The following HACL1 variants were observed in gnomAD, a reference collection of about 807,000 sequenced individuals.
HACL1 encodes the protein 1600020H07Rik.
In HACL1, 64 loss-of-function variants were observed where a neutral mutation model predicts 74.2. The ratio of observed to expected loss-of-function variants is 0.86; its 90% CI spans 0.70 to 1.06. The LOEUF is 1.06. HACL1 is among the 50% of genes least tolerant of loss of function. The probability of loss-of-function intolerance (pLI) is 0.00; values close to 1 mark genes in which losing one functional copy is unlikely to be tolerated. For missense variants in HACL1, 728 were observed against 719.7 expected, an observed-to-expected ratio of 1.01 and a Z score of -0.13; for synonymous variants, 230 against 238.8, an observed-to-expected ratio of 0.96 and a Z score of 0.34.
At chr3:15,586,273 A>G (rs2063791796) in intron 6 of HACL1, among the ~76,000 whole-genome samples, 1 of 152,218 alleles carries the variant, frequency 6.6e-6, no homozygotes. Flanking sequence ...TTACTTTTGT[A>G]TAATTAAAAA....
intron 3 of HACL1, among the ~76,000 whole-genome samples, chr3:15,593,184 C>A (rs981857897): frequency 3.4e-5 from 5 of 148,680 alleles, no homozygotes; most frequent in Admixed American, 6.7e-5. Context: ...TGTATATATA[C>A]ACACATATAT....
At chr3:15,562,947 T>A (rs796385988) in intron 16 of HACL1, among the ~76,000 whole-genome samples, 7 of 149,050 alleles carry the variant, frequency 4.7e-5, no homozygotes, top group African/African-American at 1.5e-4. Context: ...ATCCTTCTGA[T>A]CTCCGTTTAA....
At chr3:15,595,826 G>T (rs373849891) in intron 3 of HACL1, 1 of 151,948 alleles carries the variant, frequency 6.6e-6, no homozygotes, top group East Asian at 1.9e-4. Flanking sequence ...GGCCAAGCTG[G>T]TCTCAAACTC....
chr3:15,573,554 T>C (rs1024859801), intron 10 of HACL1, among the ~76,000 whole-genome samples: 59 of 152,348 alleles, frequency 3.9e-4, no homozygotes, highest in Non-Finnish European at 4.1e-4. Context: ...TAAGTTCTAT[T>C]GAATTACATT....
At chr3:15,599,561 C>G (rs2064141138) in intron 2 of HACL1, among the ~76,000 whole-genome samples, 1 of 152,116 alleles carries the variant, frequency 6.6e-6, no homozygotes, top group African/African-American at 2.4e-5. Context: ...AACCTCCCCT[C>G]AACCTACCTA....
intron 14 of HACL1, among the ~76,000 whole-genome samples, chr3:15,566,847 C>CTG (rs1432807956): frequency 3.5e-5 from 4 of 115,232 alleles, no homozygotes; most frequent in African/African-American, 1.4e-4. Context: ...GCGATGGAGT[C>CTG]TTGCTCTGTC....
chr3:15,562,671 CAGTAGAAAATTA>C (rs904630291), intron 16 of HACL1, among the ~76,000 whole-genome samples: 1 of 152,086 alleles, frequency 6.6e-6, no homozygotes, highest in African/African-American at 2.4e-5. Context: ...ACCAGGATGG[CAGTAGAAAATTA>C]AGTATGAAAT....
chr3:15,598,312 C>T (rs1160320788), intron 2 of HACL1, among the ~76,000 whole-genome samples: 5 of 152,132 alleles, frequency 3.3e-5, no homozygotes, highest in South Asian at 2.1e-4. Context: ...TGAGCCACCG[C>T]GCCTGGCCAT....
intron 2 of HACL1, among the ~76,000 whole-genome samples, chr3:15,597,927 TACA>T (rs2064098906): frequency 6.6e-6 from 1 of 152,168 alleles, no homozygotes; most frequent in African/African-American, 2.4e-5. Flanking sequence ...ATGCAAAATA[TACA>T]ACAACACGTA....
At chr3:15,591,450 C>A (rs184398137) in intron 4 of HACL1, 150 bp downstream of exon 4, 7 of 509,376 alleles carry the variant, frequency 1.4e-5, no homozygotes, top group African/African-American at 1.2e-4. Context: ...TCATTCCCTC[C>A]CCGGTAACTA....
intron 16 of HACL1, among the ~76,000 whole-genome samples, chr3:15,561,860 T>C (rs1338748621): frequency 6.6e-6 from 1 of 152,192 alleles, no homozygotes; most frequent in Non-Finnish European, 1.5e-5. Context: ...TTTGTATTTT[T>C]AGTAGAGACA....
chr3:15,570,407 T>C (rs73030376), intron 12 of HACL1, among the ~76,000 whole-genome samples: 207 of 151,804 alleles, frequency 1.4e-3, no homozygotes, highest in Admixed American at 3.9e-3. Context: ...TAATGTTTGA[T>C]GCGAAAATGT....
chr3:15,581,154 G>A (rs1018001107), intron 8 of HACL1, among the ~76,000 whole-genome samples: 6 of 152,132 alleles, frequency 3.9e-5, no homozygotes, highest in South Asian at 2.1e-4. Flanking sequence ...CGCCCACCTC[G>A]GCCTCCCAAA....
At chr3:15,572,832 A>G (rs12635456) in intron 11 of HACL1, among the ~76,000 whole-genome samples, 15,541 of 152,290 alleles carry the variant, frequency 0.1, 1,068 homozygotes, top group East Asian at 0.37. Flanking sequence ...CAGTAAGTTC[A>G]GTTCCTTTGG....
At chr3:15,578,097 C>CAA (rs397876768) in intron 9 of HACL1, among the ~76,000 whole-genome samples, 49 of 60,004 alleles carry the variant, frequency 8.2e-4, no homozygotes, top group Non-Finnish European at 1.3e-3. Context: ...GACTCCGTCT[C>CAA]AAAAAAAAAA....
intron 2 of HACL1, chr3:15,600,821 TAAGAGAATGGACTCAGACCCAGAATA>T: frequency 1.8e-6 from 1 of 550,008 alleles, no homozygotes; most frequent in Non-Finnish European, 3.3e-6. Flanking sequence ...AGTATAGTAG[TAAGAGAATGGACTCAGACCCAGAATA>T]CGTGGGTTCA....
chr3:15,564,198 C>T (rs1239393383), intron 15 of HACL1, among the ~76,000 whole-genome samples: 1 of 152,188 alleles, frequency 6.6e-6, no homozygotes, highest in African/African-American at 2.4e-5. Context: ...CTCTGGAACA[C>T]AAATAATACG....
intron 8 of HACL1, among the ~76,000 whole-genome samples, chr3:15,582,520 G>A (rs532574931): frequency 7.9e-5 from 12 of 152,210 alleles, no homozygotes; most frequent in African/African-American, 2.9e-4. Flanking sequence ...TCTATAATAT[G>A]AGCACAGTAC....
In HACL1 at chr3:15,582,893, A is replaced by G. The variant is rs1318982901; in HGVS notation, c.651T>C (p.Leu217=). The G allele has an allele frequency of 6.3e-7, 1 of 1,585,478 alleles. No individual in the cohort carries two copies. The highest frequency in any genetic ancestry group is 8.7e-7 in the Non-Finnish European group (1 of 1,154,288). ...ASVIRNAKQP[L]LIIGKGAAYA... ...TCATGCTACCTTTCCCGATGATAAG[A>G]AGGGGTTGTTTGGCATTCCTAATAA... The change falls in exon 8 of 17, where the codon CTT becomes CTC. Residue 217 remains leucine (L), a synonymous_variant. Transcript: ENST00000321169.
Sources: gnomAD v4.1 joint callset for allele counts (sites outside exome capture counted in the v4.1 genomes callset) on GRCh38, gnomAD v4.1.1 for gene constraint, MANE v1.5 for transcripts, NCBI Gene and HGNC (gene_info 2026-07-23, HGNC 2026-07-21) for gene names.